KMT2D: variants seen among roughly 807,000 people sequenced by gnomAD.
The protein encoded by KMT2D is lysine methyltransferase 2D, also known as histone-lysine N-methyltransferase 2D.
Under a neutral mutation model 512.7 loss-of-function variants are expected in KMT2D, and 55 were observed. The ratio of observed to expected loss-of-function variants is 0.11; its 90% CI spans 0.09 to 0.13. The LOEUF (loss-of-function observed/expected upper bound fraction) is 0.13, where lower values mean the gene tolerates loss of function less well. Ranked by LOEUF, KMT2D falls within the 10% of genes least tolerant of loss-of-function variation. The pLI, the probability that KMT2D is intolerant of heterozygous loss-of-function variation, is 1.00. For synonymous variants in KMT2D, 2,995 were observed against 2,904.0 expected (o/e 1.03, Z -1.01); for missense variants, 6,061 against 7,127.9 (o/e 0.85, Z 5.39).
In KMT2D at chr12:49,060,500, G is replaced by A. The variant is rs941340817; in HGVS notation, c.-925C>T. Among the ~76,000 whole-genome samples, 4 of 152,216 alleles carry A rather than the reference G, an allele frequency of 2.6e-5. No individual in the cohort carries two copies. Among genetic ancestry groups the A allele is most frequent in the African/African-American group, 4.8e-5 (2 of 41,454 alleles). On this transcript the variant is annotated 5_prime_UTR_variant, in exon 1 of 55. Transcript: ENST00000301067. Reference sequence around the variant, plus strand: ...GGTGCATGGCCCAACCCCGGCTCCCGGCACCGGGGGGTCAGGAAACTGAGC... The same window carrying A: ...GGTGCATGGCCCAACCCCGGCTCCCAGCACCGGGGGGTCAGGAAACTGAGC...
At position 49,024,418 on chromosome 12, in the gene KMT2D, C is replaced by T. The variant is rs1942473571; in HGVS notation, c.16052+160G>A. 6.6e-6 allele frequency among the ~76,000 whole-genome samples: 1 copy of T among 152,092 alleles called. No individual in the cohort carries two copies. Among genetic ancestry groups the T allele is most frequent in the African/African-American group, 2.4e-5 (1 of 41,422 alleles). On this transcript the variant is annotated intron_variant, in intron 51 of 54. Coordinates refer to ENST00000301067, the MANE Select transcript of KMT2D (RefSeq NM_003482.4). This position sits in a 1 kb window ranked among gnomAD's most constrained non-coding sequence, Gnocchi z 4.5. ...GGTTGGGAGAGGAGGAAAAGGATAC[C>T]CTACTAATACCTGCATGCCCTCTAA... is the stretch of plus-strand genomic sequence containing the variant.
rs781012274 is a variant in KMT2D at position 49,027,043 on chromosome 12, G to A, written c.14923C>T (p.Arg4975Cys). ...TTCCATTTCTTGAGGCGAGGAGGAC[G>A]GGAATCTTCACCTTCTTCAGGGGGC... ...ARPPEEGEDSRPPRLKKWKGV... is the reference protein window; with the variant it reads ...ARPPEEGEDSCPPRLKKWKGV... The change falls in exon 49 of 55, where the codon CGT (arginine) becomes TGT (cysteine). Residue 4975 changes from arginine (R) to cysteine (C), a missense_variant. Physicochemically the swap from Arg to Cys is radical, Grantham distance 180. Around this residue, in one of 16 missense-constraint regions of KMT2D, gnomAD observed 1,600 missense variants for 1,754.9 expected, o/e 0.91. Coordinates refer to ENST00000301067, the MANE Select transcript of KMT2D (RefSeq NM_003482.4). 1.6e-5 allele frequency: 26 copies of A among 1,613,834 alleles called. No homozygotes were observed. Among genetic ancestry groups the A allele is most frequent in the South Asian group, 4.4e-5 (4 of 91,092 alleles).
At chr12:49,047,751 T>C (rs1312147869) in intron 15 of KMT2D, among the ~76,000 whole-genome samples, 1 of 152,156 alleles carries the variant, frequency 6.6e-6, no homozygotes, top group Non-Finnish European at 1.5e-5. Flanking sequence ...GACTGAATTA[T>C]ACCAGCAAGT....
Position 49,046,837 on chromosome 12 carries a change from G to A in KMT2D, c.4237-47C>T, listed in dbSNP as rs2120613744. 6.5e-7 allele frequency: 1 copy of A among 1,539,272 alleles called. No homozygotes were observed. The highest frequency in any genetic ancestry group is 8.8e-7 in the Non-Finnish European group (1 of 1,132,202). On this transcript the variant is annotated intron_variant, in intron 15 of 54. Coordinates refer to ENST00000301067, the MANE Select transcript of KMT2D (RefSeq NM_003482.4). This position sits in a 1 kb window ranked among gnomAD's most constrained non-coding sequence, Gnocchi z 4.2. ...TCTCAGGGTGTGAGGTGGAAAAGAG[G>A]TAGAACTTCTTTTTATTTTTTTTTG...
Position 49,042,207 on chromosome 12 carries a change from G to A in KMT2D, c.5991C>T (p.Ser1997=), listed in dbSNP as rs1365581620. Residue 1997 remains serine, a synonymous_variant, in exon 29 of 55, where the codon TCC becomes TCT. Coordinates refer to ENST00000301067, the MANE Select transcript of KMT2D (RefSeq NM_003482.4). The surrounding 1 kb of genome is among the most constrained non-coding windows in gnomAD (Gnocchi z 4.4). ...AGCGCTGAAGACTCCGCTGGTTATA[G>A]GAGAGTCCGTCGCCCTCACCCTCCG... ...PTTEGEGDGL[S]YNQRSLQRWE... is the part of the protein sequence containing the mutation. 9 of 1,606,448 alleles carry A rather than the reference G, an allele frequency of 5.6e-6. No homozygotes were observed. The highest frequency in any genetic ancestry group is 2.2e-5 in the East Asian group (1 of 44,660).
Position 49,034,632 on chromosome 12 carries a change from C to T in KMT2D, c.10390G>A (p.Gly3464Arg). The change falls in exon 37 of 55, where the codon GGG becomes AGG. Residue 3464 changes from glycine to arginine, a missense_variant. Gly to Arg is a moderately radical substitution (Grantham distance 125). Transcript: ENST00000301067. ...QVSLLAQRLS[G>R]GPSSDLQNHV... is the part of the protein sequence containing the mutation. ...TTCTGCAGATCACTGCTAGGTCCCC[C>T]CGAGAGCCTCTGGGCTAGCAGAGAC... is the stretch of plus-strand genomic sequence containing the variant. 6.2e-7 allele frequency: 1 copy of T among 1,613,660 alleles called. No homozygotes were observed. The highest frequency in any genetic ancestry group is 8.5e-7 in the Non-Finnish European group (1 of 1,179,790).
chr12:49,048,383 A>G (rs1937686785), intron 14 of KMT2D, among the ~76,000 whole-genome samples: 1 of 152,260 alleles, frequency 6.6e-6, no homozygotes, highest in Non-Finnish European at 1.5e-5. Context: ...AGATTATTCA[A>G]GTGAGGACAC....
chr12:49,032,853 TGCTGTTGAA>T lies in KMT2D; in HGVS notation c.11843_11851del (p.Leu3948_Gln3950del). The T allele has an allele frequency of 6.5e-7, 1 of 1,550,218 alleles. No individual in the cohort carries two copies. Among genetic ancestry groups the T allele is most frequent in the Non-Finnish European group, 8.7e-7 (1 of 1,146,706 alleles). On this transcript the variant is annotated inframe_deletion, in exon 40 of 55. Transcript: ENST00000301067. ...CTGTTGCTGTTGTAGCTGCTGTTGC[TGCTGTTGAA>T]GCTGTTGCTGCTGCTGTTGTTGAAG...
In KMT2D at chr12:49,051,266, A is replaced by T. The variant is rs1263004544; in HGVS notation, c.2417T>A (p.Leu806Gln). ...HLSPQPEELH[L>Q]SPQTEEPHLS... is the part of the protein sequence containing the mutation. The stretch of plus-strand genomic sequence containing the variant: ...GTGCGGCTCCTCAGTCTGGGGGGAC[A>T]GGTGCAATTCCTCAGGCTGAGGGGA... The change falls in exon 11 of 55, where the codon CTG becomes CAG. Residue 806 changes from leucine to glutamine, a missense_variant. Transcript: ENST00000301067. The T allele has an allele frequency of 6.5e-7, 1 of 1,544,768 alleles. No individual in the cohort carries two copies.
chr12:49,053,241 A>C lies in KMT2D; in HGVS notation c.920T>G (p.Met307Arg), dbSNP rs553644335. The C allele has an allele frequency of 1.9e-6, 3 of 1,614,006 alleles. No homozygotes were observed. In the East Asian group the frequency reaches 6.7e-5, roughly 36 times the overall value. Residue 307 changes from methionine (M) to arginine (R), a missense_variant, in exon 8 of 55, where the codon ATG (methionine) becomes AGG (arginine). By Grantham distance (91) the Met-to-Arg change is moderately conservative. This residue lies in a region of KMT2D where 160 missense variants were observed against 225.8 expected (regional missense o/e 0.71). Coordinates refer to ENST00000301067, the MANE Select transcript of KMT2D (RefSeq NM_003482.4). ...GYHTFCLKPP[M>R]EELPAHSWKC... ...CCAAGAGTGAGCAGGCAGTTCCTCC[A>C]TGGGTGGTTTTAGGCAGAAAGTATG...
At chr12:49,056,425 T>C (rs1938414195) in intron 1 of KMT2D, among the ~76,000 whole-genome samples, 1 of 151,782 alleles carries the variant, frequency 6.6e-6, no homozygotes, top group Non-Finnish European at 1.5e-5. Context: ...ATTATTTTCC[T>C]AGATCTCAGA....
In KMT2D at chr12:49,031,354, G is replaced by A. The variant is rs2120419055; in HGVS notation, c.13351C>T (p.Leu4451=). The change falls in exon 40 of 55, where the codon CTG becomes TTG. Residue 4451 remains leucine (L), a synonymous_variant. Transcript: ENST00000301067. The stretch of plus-strand genomic sequence containing the variant: ...CCAGCTTCTGAGCGAGGGCCTGCCA[G>A]CAGGAGGTGGTTGCTGGTTCCTGGT... ...GAPGTSNHLL[L]AGPRSEAGHL... 1.9e-6 allele frequency: 3 copies of A among 1,613,584 alleles called. No homozygotes were observed. The highest frequency in any genetic ancestry group is 2.5e-6 in the Non-Finnish European group (3 of 1,179,890).
Position 49,024,923 on chromosome 12 carries a change from G to C in KMT2D, c.15808C>G (p.Pro5270Ala), listed in dbSNP as rs2137712008. ...GCCTCTTTTCTCATGGCAGCCACAG[G>C]CTCAATGATGCGATTCCACACGGCT... ...PQAVWNRIIE[P>A]VAAMRKEADM... Residue 5270 changes from proline (P) to alanine (A), a missense_variant, in exon 50 of 55, where the codon CCT becomes GCT. By Grantham distance (27) the Pro-to-Ala change is conservative. This residue lies in a region of KMT2D where 261 missense variants were observed against 440.7 expected (regional missense o/e 0.59). Coordinates refer to ENST00000301067, the MANE Select transcript of KMT2D (RefSeq NM_003482.4). The surrounding 1 kb of genome is among the most constrained non-coding windows in gnomAD (Gnocchi z 4.5). 1.9e-6 allele frequency: 3 copies of C among 1,596,210 alleles called. No homozygotes were observed. In the South Asian group the frequency reaches 3.4e-5, roughly 18 times the overall value.
Position 49,050,754 on chromosome 12 carries a change from G to A in KMT2D, c.2834C>T (p.Ala945Val), listed in dbSNP as rs2120656429. The change falls in exon 12 of 55, where the codon GCT (alanine) becomes GTT (valine). Residue 945 changes from alanine (A) to valine (V), a missense_variant. By Grantham distance (64) the Ala-to-Val change is moderately conservative. Transcript: ENST00000301067. ...LPPPLSPIIT[A>V]AAPPALSPLG... is the part of the protein sequence containing the mutation. ...AGGAGACAGGGCCGGTGGGGCCGCAGCTGTGATGATGGGTGAGAGTGGAGG... is the reference window on the plus strand; with the variant it reads ...AGGAGACAGGGCCGGTGGGGCCGCAACTGTGATGATGGGTGAGAGTGGAGG... 1 of 1,612,254 alleles carries A rather than the reference G, an allele frequency of 6.2e-7. No individual in the cohort carries two copies. The highest frequency in any genetic ancestry group is 8.5e-7 in the Non-Finnish European group (1 of 1,178,738).
Position 49,019,029 on chromosome 12 carries a change from G to A in KMT2D, c.*2751C>T, listed in dbSNP as rs1942154436. 7.2e-7 allele frequency: 1 copy of A among 1,380,944 alleles called. No homozygotes were observed. Among genetic ancestry groups the A allele is most frequent in the East Asian group, 2.8e-5 (1 of 35,742 alleles). 85.5% of individuals were successfully genotyped at this position (1,380,944 alleles called of 1,614,324 possible). A position where few individuals can be genotyped will look rare whatever the true frequency, so the allele number is the denominator to read the frequency against. On this transcript the variant is annotated 3_prime_UTR_variant, in exon 55 of 55. Transcript: ENST00000301067. ...TCGTTTAAAAACAAACTTGGAAGAAGCAAAATCCAAAACTTGCCCTTTGCC... is the reference window on the plus strand; with the variant it reads ...TCGTTTAAAAACAAACTTGGAAGAAACAAAATCCAAAACTTGCCCTTTGCC...
intron 48 of KMT2D, 66 bp from the exon 49 acceptor site, chr12:49,027,388 A>C: frequency 7.6e-7 from 1 of 1,319,204 alleles, no homozygotes; most frequent in Non-Finnish European, 1.0e-6. Context: ...CCTTCCCCTC[A>C]CCCATATGCC....
intron 45 of KMT2D, 27 bp downstream of exon 45, chr12:49,029,034 C>G (rs1282424012): frequency 1.2e-6 from 2 of 1,604,458 alleles, no homozygotes; most frequent in Admixed American, 3.4e-5. Context: ...TGAACTGGGC[C>G]TGGCCCACAT....
At chr12:49,043,326 G>C (rs1378367077) in intron 25 of KMT2D, 37 bp downstream of exon 25, 1 of 1,607,608 alleles carries the variant, frequency 6.2e-7, no homozygotes, top group Non-Finnish European at 8.5e-7. Flanking sequence ...AGGCAAGCAA[G>C]GCCAAGACAG....
intron 51 of KMT2D, among the ~76,000 whole-genome samples, chr12:49,023,082 T>C (rs1942403186): frequency 6.6e-6 from 1 of 152,130 alleles, no homozygotes; most frequent in South Asian, 2.1e-4. Context: ...GGGACCCTTC[T>C]GACACCCTGG....
Sources: allele counts gnomAD v4.1 joint callset (sites outside exome capture counted in the v4.1 genomes callset), GRCh38; gene constraint gnomAD v4.1.1; regional missense constraint gnomAD v4.1.1; non-coding constraint Gnocchi (gnomAD v3.1); transcripts MANE v1.5; gene names NCBI Gene and HGNC (gene_info 2026-07-23, HGNC 2026-07-21).